CDCA4: variants seen among roughly 807,000 people sequenced by gnomAD.
CDCA4 encodes cell division cycle-associated protein 4.
For missense variants in CDCA4, 294 were observed against 322.1 expected (o/e 0.91, Z 0.67); for synonymous variants, 130 against 137.0 (o/e 0.95, Z 0.36).
chr14:105,017,607 G>A (rs970947684), intron 1 of CDCA4, among the ~76,000 whole-genome samples: 2 of 152,042 alleles, frequency 1.3e-5, no homozygotes, highest in Non-Finnish European at 2.9e-5. Flanking sequence ...TGAGGCAGGC[G>A]GATCACCAGG....
rs371663816 is a variant in CDCA4 at position 105,011,592 on chromosome 14, G to A, written c.338C>T (p.Pro113Leu). 1 of 1,613,890 alleles carries A rather than the reference G, an allele frequency of 6.2e-7. No homozygotes were observed. The highest frequency in any genetic ancestry group is 8.5e-7 in the Non-Finnish European group (1 of 1,180,040). Residue 113 changes from proline to leucine, a missense_variant, in exon 2 of 2, where the codon CCT (proline) becomes CTT (leucine). Pro to Leu is a moderately conservative substitution (Grantham distance 98). Transcript: ENST00000336219. ...RAAWGQEGAH[P>L]APGLGDGHTQ... ...GTGGCCGTCCCCCAAGCCAGGAGCA[G>A]GATGTGCCCCCTCTTGCCCCCACGC... is the stretch of plus-strand genomic sequence containing the variant.
In CDCA4 at chr14:105,010,334, GA is replaced by G. The variant is rs1900465484; in HGVS notation, c.*869del. ...GGCTGACCCTGATGGGAGCCTCCAG[GA>G]ACACTGCCTTGAGAAGGCACCACCG... On this transcript the variant is annotated 3_prime_UTR_variant, in exon 2 of 2. Transcript: ENST00000336219. The G allele has an allele frequency of 9.3e-6, 1 of 107,126 alleles. No homozygotes were observed. The highest frequency in any genetic ancestry group is 1.9e-5 in the Non-Finnish European group (1 of 53,856). The allele number at this position is 107,126 out of a possible 1,614,324, so 6.6% of individuals were successfully genotyped here.
intron 1 of CDCA4, among the ~76,000 whole-genome samples, chr14:105,019,599 G>A (rs1239598599): frequency 6.6e-6 from 1 of 152,264 alleles, no homozygotes; most frequent in African/African-American, 2.4e-5. Flanking sequence ...GAAAAACAGG[G>A]AGAAGAGGAG....
intron 1 of CDCA4, among the ~76,000 whole-genome samples, chr14:105,020,772 T>G: frequency 6.6e-6 from 1 of 151,570 alleles, no homozygotes. Flanking sequence ...CGGGCCCCTC[T>G]GTTCCCCGGG....
Position 105,011,187 on chromosome 14 carries a change from G to A in CDCA4, c.*17C>T. On this transcript the variant is annotated 3_prime_UTR_variant, in exon 2 of 2. Coordinates refer to ENST00000336219, the MANE Select transcript of CDCA4 (RefSeq NM_017955.4). ...GTCAATGCGTCAGAGGCGGCTGTGAGCACTCAGGGCTCCTGCTCAGGTCTC... is the reference window on the plus strand; with the variant it reads ...GTCAATGCGTCAGAGGCGGCTGTGAACACTCAGGGCTCCTGCTCAGGTCTC... The A allele has an allele frequency of 6.3e-7, 1 of 1,589,586 alleles. No homozygotes were observed. Among genetic ancestry groups the A allele is most frequent in the Non-Finnish European group, 8.6e-7 (1 of 1,167,514 alleles).
chr14:105,017,161 G>A (rs555777450), intron 1 of CDCA4, among the ~76,000 whole-genome samples: 2 of 152,132 alleles, frequency 1.3e-5, no homozygotes, highest in Non-Finnish European at 2.9e-5. Flanking sequence ...CTCCAGAGAG[G>A]CTCCTGGGGA....
chr14:105,012,653 C>G (rs1035135628), intron 1 of CDCA4, among the ~76,000 whole-genome samples: 2 of 152,194 alleles, frequency 1.3e-5, no homozygotes, highest in African/African-American at 2.4e-5. Flanking sequence ...GTCTCCTGGC[C>G]GAGCCTATGT....
chr14:105,011,764 G>A lies in CDCA4; in HGVS notation c.166C>T (p.Leu56=), dbSNP rs769184901. The A allele has an allele frequency of 6.2e-7, 1 of 1,613,736 alleles. No homozygotes were observed. The highest frequency in any genetic ancestry group is 1.1e-5 in the South Asian group (1 of 91,088). The change falls in exon 2 of 2, where the codon CTG becomes TTG. Residue 56 remains leucine (L), a synonymous_variant. Coordinates refer to ENST00000336219, the MANE Select transcript of CDCA4 (RefSeq NM_017955.4). ...TTGGCAATGAGGACTGAGCGGCACA[G>A]GTTGGGCTCCACAAGCATGTGGCAA... ...QLCHMLVEPN[L]CRSVLIANTV... is the part of the protein sequence containing the mutation.
rs1900519162 is a variant in CDCA4 at position 105,011,992 on chromosome 14, C to G, written c.-6-57G>C. The G allele has an allele frequency of 7.2e-6, 11 of 1,536,394 alleles. No homozygotes were observed. In the South Asian group the frequency reaches 1.0e-4, roughly 14 times the overall value. ...CACGGCAGACTCTCTGCGGACAGCG[C>G]CCCTTGGATTTCGTCTGACTGCCCT... On this transcript the variant is annotated intron_variant, in intron 1 of 1. Coordinates refer to ENST00000336219, the MANE Select transcript of CDCA4 (RefSeq NM_017955.4).
chr14:105,011,688 G>T lies in CDCA4; in HGVS notation c.242C>A (p.Thr81Lys). The change falls in exon 2 of 2, where the codon ACA becomes AAA. Residue 81 changes from threonine (T) to lysine (K), a missense_variant. Transcript: ENST00000336219. ...CCGCTCTGCAGCCTGGGGTGCCACT[G>T]TGCGCCACGTCCCATCCTGCGTCAT... is the stretch of plus-strand genomic sequence containing the variant. ...EEMTQDGTWR[T>K]VAPQAAERAP... 1 of 1,613,674 alleles carries T rather than the reference G, an allele frequency of 6.2e-7. No homozygotes were observed. Among genetic ancestry groups the T allele is most frequent in the Non-Finnish European group, 8.5e-7 (1 of 1,179,978 alleles).
rs75543247 is a variant in CDCA4, at chr14:105,010,628, T to C, written c.*576A>G. ...ACACTGTTGACTGAGACTGTAGTGATGCTCACTGCAAAAAACAAAACAAAA... is the reference window on the plus strand; with the variant it reads ...ACACTGTTGACTGAGACTGTAGTGACGCTCACTGCAAAAAACAAAACAAAA... On this transcript the variant is annotated 3_prime_UTR_variant, in exon 2 of 2. Transcript: ENST00000336219. 249 of 152,888 alleles carry C rather than the reference T, an allele frequency of 1.6e-3. 3 individuals carry two copies. The South Asian group carries it at 0.024, about 15-fold the overall frequency. 9.5% of individuals were successfully genotyped at this position (152,888 alleles called of 1,614,324 possible).
chr14:105,012,669 T>C (rs114531885), intron 1 of CDCA4, among the ~76,000 whole-genome samples: 2,269 of 152,294 alleles, frequency 0.015, 52 homozygotes, highest in African/African-American at 0.051. Flanking sequence ...TATGTGGCCC[T>C]GGACAGTCCC....
chr14:105,017,324 T>C (rs1900678122), intron 1 of CDCA4, among the ~76,000 whole-genome samples: 1 of 152,116 alleles, frequency 6.6e-6, no homozygotes, highest in Non-Finnish European at 1.5e-5. Context: ...GCGATTCTCC[T>C]GCCTCATCTT....
chr14:105,020,754 C>T (rs899215986), intron 1 of CDCA4, among the ~76,000 whole-genome samples: 8 of 152,058 alleles, frequency 5.3e-5, no homozygotes, highest in Non-Finnish European at 7.4e-5. Flanking sequence ...GGAACGCAGA[C>T]GGCGGCCCGG....
At position 105,011,105 on chromosome 14, in the gene CDCA4, C is replaced by A. The variant is rs770454069; in HGVS notation, c.*99G>T. The A allele has an allele frequency of 8.3e-5, 114 of 1,377,170 alleles. No homozygotes were observed. The highest frequency in any genetic ancestry group is 1.1e-4 in the Non-Finnish European group (112 of 1,027,572). The allele number at this position is 1,377,170 out of a possible 1,614,324, so 85.3% of individuals were successfully genotyped here. ...GATTTCTCAGAATCAGCAGACAGGGCAGCAAGGCTGGGCCGCTGGCGGCAG... is the reference window on the plus strand; with the variant it reads ...GATTTCTCAGAATCAGCAGACAGGGAAGCAAGGCTGGGCCGCTGGCGGCAG... On this transcript the variant is annotated 3_prime_UTR_variant, in exon 2 of 2. Transcript: ENST00000336219.
chr14:105,019,586 T>C (rs530725743), intron 1 of CDCA4, among the ~76,000 whole-genome samples: 1 of 152,326 alleles, frequency 6.6e-6, no homozygotes, highest in African/African-American at 2.4e-5. Context: ...AAATACTTTA[T>C]CGGAAAAACA....
Position 105,011,354 on chromosome 14 carries a change from G to A in CDCA4, c.576C>T (p.Asp192=), listed in dbSNP as rs1211816843. ...SDVDSPYYDL[D]TVLTGMMGGA... ...CCCCCATCATGCCTGTCAGTACTGT[G>A]TCCAGGTCGTAGTAGGGGCTGTCCA... Residue 192 remains aspartate, a synonymous_variant, in exon 2 of 2, where the codon GAC becomes GAT. Transcript: ENST00000336219. 6.2e-7 allele frequency: 1 copy of A among 1,614,096 alleles called. No homozygotes were observed. The highest frequency in any genetic ancestry group is 8.5e-7 in the Non-Finnish European group (1 of 1,180,040).
rs1384913969 is a variant in CDCA4, at chr14:105,011,782, T to G, written c.148A>C (p.Met50Leu). ...CGGCACAGGTTGGGCTCCACAAGCATGTGGCAAAGCTGCAACTTCACCAGA... is the reference window on the plus strand; with the variant it reads ...CGGCACAGGTTGGGCTCCACAAGCAGGTGGCAAAGCTGCAACTTCACCAGA... ...MSLVKLQLCH[M>L]LVEPNLCRSV... The change falls in exon 2 of 2, where the codon ATG becomes CTG. Residue 50 changes from methionine to leucine, a missense_variant. Physicochemically the swap from Met to Leu is conservative, Grantham distance 15. Coordinates refer to ENST00000336219, the MANE Select transcript of CDCA4 (RefSeq NM_017955.4). The G allele has an allele frequency of 1.2e-6, 2 of 1,613,738 alleles. No homozygotes were observed. Among genetic ancestry groups the G allele is most frequent in the South Asian group, 2.2e-5 (2 of 91,088 alleles).
In CDCA4 at chr14:105,011,527, C is replaced by T. The variant is rs766349195; in HGVS notation, c.403G>A (p.Ala135Thr). ...PVSDLCPVTS[A>T]QAPRHLQSSA... ...CTCTGCAGGTGCCTTGGTGCCTGTG[C>T]TGAGGTGACTGGGCAAAGGTCAGAA... The change falls in exon 2 of 2, where the codon GCA becomes ACA. Residue 135 changes from alanine (A) to threonine (T), a missense_variant. Ala to Thr is a moderately conservative substitution (Grantham distance 58). Transcript: ENST00000336219. 6.8e-6 allele frequency: 11 copies of T among 1,614,190 alleles called. No homozygotes were observed. Among genetic ancestry groups the T allele is most frequent in the Non-Finnish European group, 9.3e-6 (11 of 1,180,014 alleles).
Sources: allele counts gnomAD v4.1 joint callset (sites outside exome capture counted in the v4.1 genomes callset), GRCh38; gene constraint gnomAD v4.1.1; transcripts MANE v1.5; gene names NCBI Gene and HGNC (gene_info 2026-07-23, HGNC 2026-07-21).